Variants in GSTA2 observed in about 807,000 individuals in gnomAD.
GSTA2 encodes glutathione S-transferase alpha 2.
Under a neutral mutation model 22.4 loss-of-function variants are expected in GSTA2, and 27 were observed. The ratio of observed to expected loss-of-function variants is 1.21; its 90% CI spans 0.89 to 1.67. The LOEUF is 1.67. Among genes scored for constraint, GSTA2 ranks in the 40% most tolerant of loss-of-function variants. GSTA2 has a pLI of 0.00. For synonymous variants in GSTA2, 121 were observed against 86.8 expected (o/e 1.39, Z -2.19); for missense variants, 302 against 260.2 (o/e 1.16, Z -1.11).
At chr6:52,759,163 G>A (rs1389243402) in intron 1 of GSTA2, among the ~76,000 whole-genome samples, 1 of 152,204 alleles carries the variant, frequency 6.6e-6, no homozygotes, top group African/African-American at 2.4e-5. Context: ...AATGTTTCAT[G>A]AGTTGTTAGT....
intron 3 of GSTA2, among the ~76,000 whole-genome samples, chr6:52,755,623 T>C (rs1762827409): frequency 6.6e-6 from 1 of 152,202 alleles, no homozygotes; most frequent in Non-Finnish European, 1.5e-5. Flanking sequence ...AGATACATAG[T>C]GGGACTCTTG....
At position 52,756,206 on chromosome 6, in the gene GSTA2, G is replaced by T; in HGVS notation, c.139+52C>A. ...CATTGCCGGCTGCGCAAACCTCCCC[G>T]TGTACCTTCTACTAGATACCCTCAT... On this transcript the variant is annotated intron_variant, in intron 3 of 6. Transcript: ENST00000493422. The T allele has an allele frequency of 5.2e-6, 7 of 1,343,806 alleles. No homozygotes were observed. In the South Asian group the frequency reaches 7.0e-5, roughly 13 times the overall value. The allele number at this position is 1,343,806 out of a possible 1,614,324, so 83.2% of individuals were successfully genotyped here.
chr6:52,761,422 A>G (rs573357569), intron 1 of GSTA2, among the ~76,000 whole-genome samples: 2 of 152,076 alleles, frequency 1.3e-5, no homozygotes, highest in Admixed American at 1.3e-4. Flanking sequence ...TCTCTTCATC[A>G]TCTATTATCT....
chr6:52,755,059 G>C lies in GSTA2; in HGVS notation c.156C>G (p.Phe52Leu), dbSNP rs1190640331. The C allele has an allele frequency of 6.8e-6, 11 of 1,613,812 alleles. No homozygotes were observed. Among genetic ancestry groups the C allele is most frequent in the Non-Finnish European group, 9.3e-6 (11 of 1,179,998 alleles). The change falls in exon 4 of 7, where the codon TTC (phenylalanine) becomes TTG (leucine). Residue 52 changes from phenylalanine to leucine, a missense_variant. Coordinates refer to ENST00000493422, the MANE Select transcript of GSTA2 (RefSeq NM_000846.5). ...DKLRNDGYLM[F>L]QQVPMVEIDG... ...CAATCTCAACCATTGGCACTTGCTG[G>C]AACATCAAATATCCATCTTTAAGAG...
rs776352140 is a variant in GSTA2, at chr6:52,755,038, C to T, written c.177G>A (p.Glu59=). The part of the protein sequence containing the change: ...YLMFQQVPMV[E]IDGMKLVQTR... Reference sequence around the variant, plus strand: ...TCTGCACCAGCTTCATCCCATCAATCTCAACCATTGGCACTTGCTGGAACA... The same window carrying T: ...TCTGCACCAGCTTCATCCCATCAATTTCAACCATTGGCACTTGCTGGAACA... The change falls in exon 4 of 7, where the codon GAG becomes GAA. Residue 59 remains glutamate (E), a synonymous_variant. Transcript: ENST00000493422. The T allele has an allele frequency of 1.1e-5, 18 of 1,614,050 alleles. No individual in the cohort carries two copies. The East Asian group carries it at 1.8e-4, about 16-fold the overall frequency.
chr6:52,752,307 G>T (rs149011018), intron 5 of GSTA2, among the ~76,000 whole-genome samples: 1 of 152,162 alleles, frequency 6.6e-6, no homozygotes, highest in African/African-American at 2.4e-5. Context: ...AAGCTGAAGC[G>T]TTTAGGAGTG....
chr6:52,751,623 A>T lies in GSTA2; in HGVS notation c.500T>A (p.Val167Glu). Residue 167 changes from valine to glutamate, a missense_variant, in exon 6 of 7, where the codon GTG becomes GAG. Physicochemically the swap from Val to Glu is moderately radical, Grantham distance 121. Transcript: ENST00000493422. ...DIHLVELLYY[V>E]EELDSSLISS... ...AATAAGGCTAGAGTCAAGCTCTTCC[A>T]CGTAGTAGAGAAGTTCCACCAGGTG... 6.2e-7 allele frequency: 1 copy of T among 1,614,162 alleles called. No individual in the cohort carries two copies. Among genetic ancestry groups the T allele is most frequent in the Non-Finnish European group, 8.5e-7 (1 of 1,180,012 alleles).
intron 1 of GSTA2, among the ~76,000 whole-genome samples, chr6:52,759,618 G>C (rs28525526): frequency 0.026 from 1,501 of 58,478 alleles, 45 homozygotes; most frequent in African/African-American, 0.098. Context: ...GAGTTTTGCT[G>C]TTTTTGCCCA....
At position 52,755,052 on chromosome 6, in the gene GSTA2, C is replaced by T. The variant is rs368356556; in HGVS notation, c.163G>A (p.Val55Met). 1.2e-6 allele frequency: 2 copies of T among 1,613,780 alleles called. No homozygotes were observed. The highest frequency in any genetic ancestry group is 1.3e-5 in the African/African-American group (1 of 74,792). The change falls in exon 4 of 7, where the codon GTG (valine) becomes ATG (methionine). Residue 55 changes from valine (V) to methionine (M), a missense_variant. Transcript: ENST00000493422. ...ATCCCATCAATCTCAACCATTGGCACTTGCTGGAACATCAAATATCCATCT... is the reference window on the plus strand; with the variant it reads ...ATCCCATCAATCTCAACCATTGGCATTTGCTGGAACATCAAATATCCATCT... ...RNDGYLMFQQVPMVEIDGMKL... is the reference protein window; with the variant it reads ...RNDGYLMFQQMPMVEIDGMKL...
rs2127288944 is a variant in GSTA2, at chr6:52,757,866, C to G, written c.82G>C (p.Val28Leu). ...TGACCTAACTCAGAACCTACCTCTA[C>G]TCCAGCTGCAGCCAGGAGCCACCGG... ...SIRWLLAAAG[V>L]EFEEKFIKSA... The change falls in exon 2 of 7, where the codon GTA becomes CTA. Residue 28 changes from valine to leucine, a missense_variant. Physicochemically the swap from Val to Leu is conservative, Grantham distance 32. Transcript: ENST00000493422. 1 of 1,612,956 alleles carries G rather than the reference C, an allele frequency of 6.2e-7. No homozygotes were observed. Among genetic ancestry groups the G allele is most frequent in the South Asian group, 1.1e-5 (1 of 91,056 alleles).
chr6:52,762,635 C>T (rs1762970714), intron 1 of GSTA2, among the ~76,000 whole-genome samples: 1 of 152,204 alleles, frequency 6.6e-6, no homozygotes, highest in Admixed American at 6.5e-5. Context: ...ACTGAGGGAA[C>T]TCAGAGACTG....
At chr6:52,762,013 G>A (rs1762959351) in intron 1 of GSTA2, among the ~76,000 whole-genome samples, 1 of 145,880 alleles carries the variant, frequency 6.9e-6, no homozygotes, top group South Asian at 2.1e-4. Flanking sequence ...AGGTTTAATG[G>A]ATTTAGGGCT....
At chr6:52,762,694 C>T (rs540141013) in intron 1 of GSTA2, among the ~76,000 whole-genome samples, 1 of 152,214 alleles carries the variant, frequency 6.6e-6, no homozygotes, top group African/African-American at 2.4e-5. Context: ...CCTGGACCCA[C>T]TTTTCTTTCT....
chr6:52,752,795 A>T, intron 5 of GSTA2, 59 bp downstream of exon 5: 2 of 1,606,274 alleles, frequency 1.2e-6, no homozygotes, highest in South Asian at 1.1e-5. Context: ...ATGCCCAGCC[A>T]CTATTTTTCT....
In GSTA2 at chr6:52,754,969, A is replaced by G. The variant is rs372277935; in HGVS notation, c.246T>C (p.Tyr82=). 4 of 1,613,932 alleles carry G rather than the reference A, an allele frequency of 2.5e-6. No individual in the cohort carries two copies. The highest frequency in any genetic ancestry group is 1.3e-5 in the African/African-American group (1 of 74,910). ...GGGCTTTCTCCTTTATGTCTTTCCC[A>G]TAGAGGTTGTATTTGCTGGCAATGT... ...LNYIASKYNL[Y]GKDIKEKALI... Residue 82 remains tyrosine (Y), a synonymous_variant, in exon 4 of 7, where the codon TAT becomes TAC. Coordinates refer to ENST00000493422, the MANE Select transcript of GSTA2 (RefSeq NM_000846.5).
Position 52,763,470 on chromosome 6 carries a change from C to T in GSTA2, c.-57G>A, listed in dbSNP as rs1762987572. On this transcript the variant is annotated 5_prime_UTR_variant, in exon 1 of 7. Transcript: ENST00000493422. ...TTGTTAAATGCTGTCACCTTTGTGG[C>T]TGGACAACCGAATTCCAGGTCCTAA... The T allele has an allele frequency of 1.0e-5, 2 of 191,046 alleles. No homozygotes were observed. The highest frequency in any genetic ancestry group is 4.7e-5 in the African/African-American group (2 of 42,966). The allele number at this position is 191,046 out of a possible 1,614,324, so 11.8% of individuals were successfully genotyped here. A position where few individuals can be genotyped will look rare whatever the true frequency, so the allele number is the denominator to read the frequency against.
intron 6 of GSTA2, 96 bp downstream of exon 6, chr6:52,751,481 G>C: frequency 3.8e-6 from 6 of 1,599,676 alleles, no homozygotes; most frequent in Admixed American, 1.7e-5. Flanking sequence ...CCTGGAGAAG[G>C]CTGGGGTCAA....
intron 1 of GSTA2, among the ~76,000 whole-genome samples, chr6:52,762,247 A>T (rs1444011923): frequency 6.6e-6 from 1 of 151,912 alleles, no homozygotes. Context: ...CCCGACACCC[A>T]TAAACGGTCT....
chr6:52,752,768 A>G, intron 5 of GSTA2, 86 bp downstream of exon 5: 1 of 1,528,588 alleles, frequency 6.5e-7, no homozygotes, highest in Non-Finnish European at 9.0e-7. Flanking sequence ...CTGAAAGTGA[A>G]GATCAGTGCC....
Sources: allele counts gnomAD v4.1 joint callset (sites outside exome capture counted in the v4.1 genomes callset), GRCh38; gene constraint gnomAD v4.1.1; transcripts MANE v1.5; gene names NCBI Gene and HGNC (gene_info 2026-07-23, HGNC 2026-07-21).